FAM136A: variants seen among roughly 807,000 people sequenced by gnomAD.
FAM136A encodes TIM double twin CX3C motif protein.
A neutral mutation model predicts 21.6 loss-of-function variants in FAM136A; 25 were observed. The observed-to-expected ratio is 1.16, with a 90% CI of 0.84 to 1.62. The LOEUF is 1.62. Ranked by LOEUF, FAM136A falls within the 40% of genes most tolerant of loss-of-function variation. The pLI is 0.00. For missense variants in FAM136A, 338 were observed against 332.0 expected, an observed-to-expected ratio of 1.02 and a Z score of -0.14; for synonymous variants, 119 against 129.4, an observed-to-expected ratio of 0.92 and a Z score of 0.55.
At chr2:70,300,205 CTT>C (rs1334965176) in intron 2 of FAM136A, among the ~76,000 whole-genome samples, 5 of 152,112 alleles carry the variant, frequency 3.3e-5, no homozygotes, top group Non-Finnish European at 7.3e-5. Flanking sequence ...AGCCAGGAAA[CTT>C]TATACTACAC....
At chr2:70,299,997 T>G (rs1291212263) in intron 2 of FAM136A, among the ~76,000 whole-genome samples, 3 of 150,390 alleles carry the variant, frequency 2.0e-5, no homozygotes, top group African/African-American at 7.4e-5. Context: ...CGCCTTCCAG[T>G]TTCAAGCGAT....
Position 70,300,998 on chromosome 2 carries a change from A to C in FAM136A, c.409-18T>G, listed in dbSNP as rs1331768742. ...ATGAGACCCTGGGGAGAAAGGGCAG[A>C]GAGGTTAGGTAGGAAAGTCTCTGGG... On this transcript the variant is annotated intron_variant, in intron 1 of 2. Transcript: ENST00000430566. The C allele has an allele frequency of 2.5e-6, 4 of 1,603,816 alleles. No individual in the cohort carries two copies. The highest frequency in any genetic ancestry group is 3.4e-6 in the Non-Finnish European group (4 of 1,171,796).
intron 2 of FAM136A, among the ~76,000 whole-genome samples, chr2:70,299,366 C>A (rs1697333245): frequency 6.6e-6 from 1 of 152,064 alleles, no homozygotes; most frequent in Admixed American, 6.6e-5. Flanking sequence ...GGCTTGTGAG[C>A]CAGGAATCAG....
At chr2:70,297,725 C>T (rs1268884031) in intron 2 of FAM136A, among the ~76,000 whole-genome samples, 1 of 149,886 alleles carries the variant, frequency 6.7e-6, no homozygotes. Flanking sequence ...CCTCAACGTC[C>T]CAGGCTCACG....
chr2:70,297,621 G>GTTTTTTTT (rs55803921), intron 2 of FAM136A, 144 bp from the exon 3 acceptor site: 5 of 250,562 alleles, frequency 2.0e-5, no homozygotes, highest in Admixed American at 6.7e-5. Context: ...GATTGGCCAA[G>GTTTTTTTT]TTTTTTTTTT....
At chr2:70,301,442 C>T (rs926239446) in intron 1 of FAM136A, 162 bp downstream of exon 1, 19 of 1,535,274 alleles carry the variant, frequency 1.2e-5, no homozygotes, top group Non-Finnish European at 1.5e-5. Flanking sequence ...CACACAGAGG[C>T]ATTGCGGGGC....
At position 70,302,031 on chromosome 2, in the gene FAM136A, G is replaced by A. The variant is rs1243565804; in HGVS notation, c.-20C>T. The A allele has an allele frequency of 3.2e-6, 5 of 1,562,950 alleles. No homozygotes were observed. Among genetic ancestry groups the A allele is most frequent in the East Asian group, 4.8e-5 (2 of 41,760 alleles). ...AGCCATGGCGACCCCGCGCTGCCCC[G>A]CGGCGCTCCGCGCCGGCGCCCATAT... On this transcript the variant is annotated 5_prime_UTR_variant, in exon 1 of 3. Transcript: ENST00000430566.
intron 2 of FAM136A, among the ~76,000 whole-genome samples, chr2:70,298,441 T>C (rs548853600): frequency 3.9e-5 from 6 of 152,320 alleles, no homozygotes; most frequent in African/African-American, 1.2e-4. Context: ...CAAATATTTA[T>C]TGAGCATCTA....
chr2:70,301,868 A>G lies in FAM136A; in HGVS notation c.144T>C (p.Pro48=). The change falls in exon 1 of 3, where the codon CCT becomes CCC. Residue 48 remains proline, a synonymous_variant. Coordinates refer to ENST00000430566, the MANE Select transcript of FAM136A (RefSeq NM_001329752.2). ...DPLLSGWVPG[P]SLSHHATPCT... is the part of the protein sequence containing the mutation. ...AAGGCGTCGCGTGGTGGCTGAGGGA[A>G]GGGCCCGGAACCCACCCGCTGAGAA... 1 of 1,560,210 alleles carries G rather than the reference A, an allele frequency of 6.4e-7. No individual in the cohort carries two copies. Among genetic ancestry groups the G allele is most frequent in the Non-Finnish European group, 8.7e-7 (1 of 1,152,376 alleles).
At position 70,302,052 on chromosome 2, in the gene FAM136A, CATATGG is replaced by C; in HGVS notation, c.-47_-42del. The C allele has an allele frequency of 6.5e-7, 1 of 1,537,262 alleles. No individual in the cohort carries two copies. The highest frequency in any genetic ancestry group is 1.2e-5 in the South Asian group (1 of 83,120). On this transcript the variant is annotated 5_prime_UTR_variant, in exon 1 of 3. It removes an upstream start codon present in the reference 5' UTR. Transcript: ENST00000430566. ...CCCCGCGGCGCTCCGCGCCGGCGCC[CATATGG>C]AATCGGCGTACGGGCCCGCCCCCTC...
chr2:70,298,651 A>G (rs561973322), intron 2 of FAM136A, among the ~76,000 whole-genome samples: 5 of 152,230 alleles, frequency 3.3e-5, no homozygotes, highest in Non-Finnish European at 7.3e-5. Context: ...AGCTGTCAGC[A>G]TAGAGATTAT....
chr2:70,301,653 C>T lies in FAM136A; in HGVS notation c.359G>A (p.Trp120Ter), dbSNP rs539120032. 27 of 1,535,412 alleles carry T rather than the reference C, an allele frequency of 1.8e-5. No homozygotes were observed. In the African/African-American group the frequency reaches 3.7e-4, roughly 21 times the overall value. The change falls in exon 1 of 3, where the codon TGG becomes TAG. Residue 120 changes from tryptophan to a stop codon, truncating the protein, a stop_gained. Coordinates refer to ENST00000430566, the MANE Select transcript of FAM136A (RefSeq NM_001329752.2). LOFTEE classifies it high-confidence loss of function. ...GGAAGGTGGTGGGGCGAGCGCCTGC[C>T]ACCAGGGGCTTCCCACCTGCCGCCG... ...RPRRQVGSPWWQALAPPPSPL... is the reference protein window; with the variant it reads ...RPRRQVGSPW
chr2:70,298,766 G>A (rs1273289246), intron 2 of FAM136A, among the ~76,000 whole-genome samples: 1 of 152,220 alleles, frequency 6.6e-6, no homozygotes. Flanking sequence ...GAGTGGGGAA[G>A]AGAGAGCAAA....
At position 70,302,035 on chromosome 2, in the gene FAM136A, C is replaced by T; in HGVS notation, c.-24G>A. On this transcript the variant is annotated 5_prime_UTR_variant, in exon 1 of 3. Transcript: ENST00000430566. ...ATGGCGACCCCGCGCTGCCCCGCGG[C>T]GCTCCGCGCCGGCGCCCATATGGAA... 1 of 1,557,596 alleles carries T rather than the reference C, an allele frequency of 6.4e-7. No homozygotes were observed. The highest frequency in any genetic ancestry group is 1.4e-5 in the African/African-American group (1 of 71,842).
At position 70,297,063 on chromosome 2, in the gene FAM136A, T is replaced by G; in HGVS notation, c.*226A>C. On this transcript the variant is annotated 3_prime_UTR_variant, in exon 3 of 3. Coordinates refer to ENST00000430566, the MANE Select transcript of FAM136A (RefSeq NM_001329752.2). The stretch of plus-strand genomic sequence containing the variant: ...CACAGGAAATAATAAGCTCTAAAAC[T>G]CTCCTGTAATATCTCTGACTCGATT... 1 of 497,028 alleles carries G rather than the reference T, an allele frequency of 2.0e-6. No individual in the cohort carries two copies. The highest frequency in any genetic ancestry group is 2.5e-5 in the South Asian group (1 of 39,476). 30.8% of individuals were successfully genotyped at this position (497,028 alleles called of 1,614,324 possible). A position where few individuals can be genotyped will look rare whatever the true frequency, so the allele number is the denominator to read the frequency against.
At position 70,302,040 on chromosome 2, in the gene FAM136A, C is replaced by G. The variant is rs201016906; in HGVS notation, c.-29G>C. ...GACCCCGCGCTGCCCCGCGGCGCTC[C>G]GCGCCGGCGCCCATATGGAATCGGC... On this transcript the variant is annotated 5_prime_UTR_variant, in exon 1 of 3. Transcript: ENST00000430566. 3.6e-5 allele frequency: 56 copies of G among 1,547,842 alleles called. No individual in the cohort carries two copies. The East Asian group carries it at 3.6e-4, about 10-fold the overall frequency.
intron 2 of FAM136A, among the ~76,000 whole-genome samples, chr2:70,299,685 C>T (rs1697340850): frequency 6.6e-6 from 1 of 152,062 alleles, no homozygotes; most frequent in East Asian, 1.9e-4. Flanking sequence ...ACTGCAAGCT[C>T]TGCCTCCCGG....
At position 70,301,626 on chromosome 2, in the gene FAM136A, G is replaced by A. The variant is rs547137770; in HGVS notation, c.386C>T (p.Pro129Leu). 48 of 1,535,922 alleles carry A rather than the reference G, an allele frequency of 3.1e-5. 1 individual carries two copies. In the South Asian group the frequency reaches 5.6e-4, roughly 18 times the overall value. The change falls in exon 1 of 3, where the codon CCT (proline) becomes CTT (leucine). Residue 129 changes from proline to leucine, a missense_variant. By Grantham distance (98) the Pro-to-Leu change is moderately conservative. Transcript: ENST00000430566. ...WWQALAPPPS[P>L]LTRPLPQGLM... ...CACCTGCGGAAGGGGCCGCGTAAGA[G>A]GGGAAGGTGGTGGGGCGAGCGCCTG...
chr2:70,299,936 G>A (rs974360329), intron 2 of FAM136A, among the ~76,000 whole-genome samples: 1 of 150,224 alleles, frequency 6.7e-6, no homozygotes, highest in Non-Finnish European at 1.5e-5. Context: ...TTTCGCTCTT[G>A]TTGTCCAGGC....
Sources: allele counts gnomAD v4.1 joint callset (sites outside exome capture counted in the v4.1 genomes callset), GRCh38; gene constraint gnomAD v4.1.1; transcripts MANE v1.5; gene names NCBI Gene and HGNC (gene_info 2026-07-23, HGNC 2026-07-21).